NELL1: variants seen among roughly 807,000 people sequenced by gnomAD.
NELL1 encodes the protein protein kinase C-binding protein NELL1.
Under a neutral mutation model 107.4 loss-of-function variants are expected in NELL1, and 76 were observed. The ratio of observed to expected loss-of-function variants is 0.71; its 90% CI spans 0.59 to 0.86. The LOEUF (loss-of-function observed/expected upper bound fraction) is 0.86. Among genes scored for constraint, NELL1 ranks in the 40% least tolerant of loss-of-function variants. NELL1 has a pLI of 0.00. For missense variants in NELL1, 1,024 were observed against 1,005.5 expected (o/e 1.02, Z -0.25); for synonymous variants, 353 against 341.2 (o/e 1.03, Z -0.38).
At chr11:20,736,202 A>G (rs1855757152) in intron 2 of NELL1, among the ~76,000 whole-genome samples, 1 of 152,122 alleles carries the variant, frequency 6.6e-6, no homozygotes, top group African/African-American at 2.4e-5. Flanking sequence ...TGAAAAGAGG[A>G]AAATAAATGA....
intron 15 of NELL1, among the ~76,000 whole-genome samples, chr11:21,520,354 T>A (rs929419537): frequency 3.3e-5 from 5 of 152,154 alleles, no homozygotes; most frequent in Non-Finnish European, 5.9e-5. Context: ...CAGTAACTAC[T>A]TCAGGACTCA....
intron 14 of NELL1, among the ~76,000 whole-genome samples, chr11:21,257,837 A>G (rs1442786936): frequency 6.6e-6 from 1 of 151,988 alleles, no homozygotes; most frequent in Non-Finnish European, 1.5e-5. Flanking sequence ...TATCCATGAC[A>G]GTGTCCACAA....
intron 14 of NELL1, among the ~76,000 whole-genome samples, chr11:21,323,273 A>G (rs1254562785): frequency 2.0e-5 from 3 of 152,196 alleles, no homozygotes; most frequent in Admixed American, 6.5e-5. Context: ...ACTACATCAC[A>G]TTGTGAGACA....
At chr11:21,524,783 C>A (rs1212496481) in intron 15 of NELL1, among the ~76,000 whole-genome samples, 1 of 152,108 alleles carries the variant, frequency 6.6e-6, no homozygotes, top group Non-Finnish European at 1.5e-5. Context: ...ATAGGATTTT[C>A]AGTCTTGGAG....
chr11:21,008,068 A>G (rs1371193432), intron 12 of NELL1, among the ~76,000 whole-genome samples: 1 of 152,078 alleles, frequency 6.6e-6, no homozygotes, highest in Non-Finnish European at 1.5e-5. Flanking sequence ...GAAGTGAAGT[A>G]ACTTGCCTTT....
In NELL1 at chr11:20,960,568, A is replaced by C; in HGVS notation, c.1300+8A>C. The C allele has an allele frequency of 6.2e-7, 1 of 1,613,728 alleles. No individual in the cohort carries two copies. Among genetic ancestry groups the C allele is most frequent in the Non-Finnish European group, 8.5e-7 (1 of 1,179,740 alleles). Reference sequence around the variant, plus strand: ...ACTCTGCCTACTGTGAAGGTAAGTAAGCTATTTAATGAAGTCACTTGTGAG... The same window carrying C: ...ACTCTGCCTACTGTGAAGGTAAGTACGCTATTTAATGAAGTCACTTGTGAG... On this transcript the variant is annotated splice_region_variant and intron_variant, in intron 12 of 19. Transcript: ENST00000357134.
At chr11:21,505,633 C>G (rs1590987818) in intron 15 of NELL1, among the ~76,000 whole-genome samples, 1 of 152,162 alleles carries the variant, frequency 6.6e-6, no homozygotes, top group Non-Finnish European at 1.5e-5. Flanking sequence ...CTAGAGTCAT[C>G]TTTTAGCTTT....
intron 14 of NELL1, among the ~76,000 whole-genome samples, chr11:21,286,534 C>T (rs925389238): frequency 2.6e-5 from 4 of 152,204 alleles, no homozygotes; most frequent in African/African-American, 9.7e-5. Context: ...TCCACTCGTA[C>T]CACTCTTTTT....
chr11:20,748,773 A>G (rs960817377), intron 2 of NELL1, among the ~76,000 whole-genome samples: 4 of 152,062 alleles, frequency 2.6e-5, no homozygotes, highest in African/African-American at 9.7e-5. Flanking sequence ...ATTCCATAGT[A>G]TATGCGTGTA....
intron 14 of NELL1, among the ~76,000 whole-genome samples, chr11:21,325,799 T>C (rs944582850): frequency 1.3e-5 from 2 of 152,008 alleles, no homozygotes; most frequent in Admixed American, 1.3e-4. Context: ...TGTCCATCAA[T>C]TCTCAGCCAC....
intron 3 of NELL1, among the ~76,000 whole-genome samples, chr11:20,812,825 G>A (rs1857528535): frequency 6.6e-6 from 1 of 150,948 alleles, no homozygotes; most frequent in Non-Finnish European, 1.5e-5. Context: ...TGGCTAACAC[G>A]GTGAAACCCC....
chr11:21,289,782 C>T (rs1285800327), intron 14 of NELL1, among the ~76,000 whole-genome samples: 1 of 152,142 alleles, frequency 6.6e-6, no homozygotes, highest in East Asian at 1.9e-4. Context: ...CTGAAGTCAA[C>T]CTGGAATGCT....
rs1446970653 is a variant in NELL1 at position 20,881,250 on chromosome 11, A to G, written c.507-4194A>G. On this transcript the variant is annotated intron_variant, in intron 4 of 19. Transcript: ENST00000357134. ...CAGGACATCCCAGGATATATTAATC[A>G]TGTCCTCTTTTGTTCAGTGTTGATT... Among the ~76,000 whole-genome samples, 6 of 152,346 alleles carry G rather than the reference A, an allele frequency of 3.9e-5. No homozygotes were observed. The East Asian group carries it at 5.8e-4, about 15-fold the overall frequency.
chr11:21,345,784 A>C (rs764477097), intron 14 of NELL1, among the ~76,000 whole-genome samples: 1 of 151,986 alleles, frequency 6.6e-6, no homozygotes, highest in African/African-American at 2.4e-5. Flanking sequence ...CTTCAATATC[A>C]CTGTTTGTGT....
chr11:20,821,201 C>A (rs1054381124), intron 3 of NELL1, among the ~76,000 whole-genome samples: 4 of 151,994 alleles, frequency 2.6e-5, no homozygotes, highest in Non-Finnish European at 4.4e-5. Context: ...AGGGAGGGAA[C>A]GATTATGGTC....
At chr11:21,335,228 G>A (rs1850364475) in intron 14 of NELL1, among the ~76,000 whole-genome samples, 1 of 151,976 alleles carries the variant, frequency 6.6e-6, no homozygotes, top group Admixed American at 6.6e-5. Context: ...ATTCTATCCT[G>A]AGATATTTCC....
chr11:21,357,223 A>T (rs1850955295), intron 14 of NELL1, among the ~76,000 whole-genome samples: 1 of 152,084 alleles, frequency 6.6e-6, no homozygotes, highest in Admixed American at 6.6e-5. Flanking sequence ...TCTTTAAGGA[A>T]TCTCCATACT....
At chr11:21,164,964 C>A (rs1373236554) in intron 13 of NELL1, among the ~76,000 whole-genome samples, 1 of 152,164 alleles carries the variant, frequency 6.6e-6, no homozygotes, top group Non-Finnish European at 1.5e-5. Context: ...TTCTCACTGA[C>A]ATTCCTTCTC....
intron 1 of NELL1, among the ~76,000 whole-genome samples, chr11:20,670,923 C>T (rs550151479): frequency 4.3e-4 from 66 of 152,372 alleles, no homozygotes; most frequent in African/African-American, 1.5e-3. Context: ...TAAGAAGGGG[C>T]GTCTGCACTT....
Sources: allele counts gnomAD v4.1 joint callset (sites outside exome capture counted in the v4.1 genomes callset), GRCh38; gene constraint gnomAD v4.1.1; transcripts MANE v1.5; gene names NCBI Gene and HGNC (gene_info 2026-07-23, HGNC 2026-07-21).